The following UBE2G1 variants were observed in gnomAD, a reference collection of about 807,000 sequenced individuals.
UBE2G1 encodes the protein ubiquitin-conjugating enzyme E2 G1.
UBE2G1 carries 5 observed loss-of-function variants against 22.7 expected under a neutral mutation model. The ratio of observed to expected loss-of-function variants is 0.22; its 90% CI spans 0.12 to 0.46. UBE2G1 has a LOEUF of 0.46. UBE2G1 is among the 20% of genes least tolerant of loss of function. The probability of loss-of-function intolerance (pLI) is 0.99; values close to 1 mark genes in which losing one functional copy is unlikely to be tolerated. For synonymous variants in UBE2G1, 74 were observed against 67.5 expected, an observed-to-expected ratio of 1.10 and a Z score of -0.47; for missense variants, 88 against 203.9, an observed-to-expected ratio of 0.43 and a Z score of 3.46.
chr17:4,300,391 A>C (rs903250584), intron 2 of UBE2G1, among the ~76,000 whole-genome samples: 1 of 151,866 alleles, frequency 6.6e-6, no homozygotes, highest in African/African-American at 2.4e-5. Flanking sequence ...AAAAATGCAA[A>C]AATTAGCCAG....
rs563512896 is a variant in UBE2G1, at chr17:4,361,956, T to C, written c.46+4315A>G. 9.9e-5 allele frequency among the ~76,000 whole-genome samples: 10 copies of C among 100,960 alleles called. No homozygotes were observed. The South Asian group carries it at 3.4e-3, about 34-fold the overall frequency. The allele number at this position is 100,960 out of a possible 152,430, so 66.2% of individuals were successfully genotyped here. A position where few individuals can be genotyped will look rare whatever the true frequency, so the allele number is the denominator to read the frequency against. ...CAGCCTGGGCGACAGAGCAAGACTGTCTCAAAAAAAAAAAAAAAAAAAAAA... is the reference window on the plus strand; with the variant it reads ...CAGCCTGGGCGACAGAGCAAGACTGCCTCAAAAAAAAAAAAAAAAAAAAAA... On this transcript the variant is annotated intron_variant, in intron 1 of 5. Coordinates refer to ENST00000396981, the MANE Select transcript of UBE2G1 (RefSeq NM_003342.5).
At chr17:4,283,175 T>A (rs1968914610) in intron 4 of UBE2G1, among the ~76,000 whole-genome samples, 1 of 152,176 alleles carries the variant, frequency 6.6e-6, no homozygotes, top group Admixed American at 6.6e-5. Flanking sequence ...AAAAGAACAT[T>A]TACAGTTTTG....
intron 1 of UBE2G1, among the ~76,000 whole-genome samples, chr17:4,321,169 A>G (rs2143759980): frequency 6.6e-6 from 1 of 152,268 alleles, no homozygotes; most frequent in African/African-American, 2.4e-5. Context: ...TTAATTTAAA[A>G]AGAATACTTT....
At chr17:4,348,921 G>A (rs536597005) in intron 1 of UBE2G1, among the ~76,000 whole-genome samples, 48 of 151,838 alleles carry the variant, frequency 3.2e-4, no homozygotes, top group South Asian at 2.3e-3. Context: ...GGGCACGGTC[G>A]CTCACACCTG....
chr17:4,365,056 C>T (rs2143843492), intron 1 of UBE2G1, among the ~76,000 whole-genome samples: 1 of 152,350 alleles, frequency 6.6e-6, no homozygotes, highest in African/African-American at 2.4e-5. Context: ...CCCCTGACAA[C>T]CTTTTCCTTA....
At chr17:4,351,182 G>C (rs553609571) in intron 1 of UBE2G1, among the ~76,000 whole-genome samples, 75 of 148,208 alleles carry the variant, frequency 5.1e-4, no homozygotes, top group Admixed American at 8.6e-4. Flanking sequence ...ACGGGGGCTG[G>C]GGGGTGGGGG....
chr17:4,365,004 C>T (rs568339032), intron 1 of UBE2G1, among the ~76,000 whole-genome samples: 107 of 152,358 alleles, frequency 7.0e-4, no homozygotes, highest in South Asian at 2.7e-3. Context: ...AACCTGCTTG[C>T]TCATGGTCTA....
At chr17:4,321,490 G>A (rs1275897783) in intron 1 of UBE2G1, among the ~76,000 whole-genome samples, 1 of 151,678 alleles carries the variant, frequency 6.6e-6, no homozygotes, top group African/African-American at 2.4e-5. Context: ...TTTAAGCATT[G>A]TGGCCTTCTT....
At chr17:4,317,979 G>T (rs1296231466) in intron 1 of UBE2G1, among the ~76,000 whole-genome samples, 1 of 152,138 alleles carries the variant, frequency 6.6e-6, no homozygotes, top group African/African-American at 2.4e-5. Context: ...GATTCCTGAG[G>T]ATTTCTGAAT....
intron 1 of UBE2G1, among the ~76,000 whole-genome samples, chr17:4,316,943 A>AT (rs1046625147): frequency 2.6e-5 from 4 of 151,194 alleles, no homozygotes; most frequent in African/African-American, 9.7e-5. Flanking sequence ...TTGAATAAAA[A>AT]AAAAAAAAAA....
chr17:4,289,505 T>A, intron 3 of UBE2G1, 97 bp from the exon 4 acceptor site: 1 of 1,305,264 alleles, frequency 7.7e-7, no homozygotes, highest in Non-Finnish European at 1.0e-6. Flanking sequence ...ACAGTACCTT[T>A]ATCAAACATG....
chr17:4,347,124 G>A (rs1271500904), intron 1 of UBE2G1, among the ~76,000 whole-genome samples: 1 of 152,060 alleles, frequency 6.6e-6, no homozygotes, highest in East Asian at 1.9e-4. Context: ...CTGCACTCCA[G>A]CCCTGGGCAA....
At chr17:4,295,865 G>A (rs1309177969) in intron 3 of UBE2G1, among the ~76,000 whole-genome samples, 3 of 149,206 alleles carry the variant, frequency 2.0e-5, no homozygotes, top group African/African-American at 7.5e-5. Flanking sequence ...AACTGCCACC[G>A]TGTGGATTTG....
intron 1 of UBE2G1, among the ~76,000 whole-genome samples, chr17:4,326,411 A>G (rs1969504678): frequency 6.6e-6 from 1 of 152,238 alleles, no homozygotes; most frequent in East Asian, 1.9e-4. Context: ...TAGAATTGCT[A>G]TTAAACACAC....
At chr17:4,353,120 A>G (rs1969864232) in intron 1 of UBE2G1, among the ~76,000 whole-genome samples, 1 of 152,144 alleles carries the variant, frequency 6.6e-6, no homozygotes, top group African/African-American at 2.4e-5. Context: ...CAGGAGGTTG[A>G]GGCAGGAGAA....
intron 4 of UBE2G1, among the ~76,000 whole-genome samples, chr17:4,283,874 T>C (rs1968926494): frequency 1.3e-5 from 2 of 152,166 alleles, no homozygotes; most frequent in East Asian, 1.9e-4. Flanking sequence ...GCTGAGGCCA[T>C]GCACAGTGGC....
intron 1 of UBE2G1, among the ~76,000 whole-genome samples, chr17:4,324,243 C>G (rs944092997): frequency 2.0e-5 from 3 of 152,168 alleles, no homozygotes; most frequent in African/African-American, 7.2e-5. Flanking sequence ...TAGGTTAGAC[C>G]TGCACTTTCT....
chr17:4,283,989 C>T (rs1968927632), intron 4 of UBE2G1, among the ~76,000 whole-genome samples: 1 of 151,736 alleles, frequency 6.6e-6, no homozygotes, highest in African/African-American at 2.4e-5. Flanking sequence ...AACCCCATCT[C>T]AACTAAAAGA....
chr17:4,279,275 CAAAAA>C (rs10593474), intron 5 of UBE2G1, among the ~76,000 whole-genome samples: 1 of 131,622 alleles, frequency 7.6e-6, no homozygotes. Context: ...AACTCCATCT[CAAAAA>C]AAAAAAAAAA....
Sources: gnomAD v4.1 joint callset for allele counts (sites outside exome capture counted in the v4.1 genomes callset) on GRCh38, gnomAD v4.1.1 for gene constraint, MANE v1.5 for transcripts, NCBI Gene and HGNC (gene_info 2026-07-23, HGNC 2026-07-21) for gene names.